Variants in NPAS2 observed in about 807,000 individuals in gnomAD.
NPAS2 encodes the protein neuronal PAS domain protein 2, also known as neuronal PAS domain-containing protein 2.
In NPAS2, 23 loss-of-function variants were observed where a neutral mutation model predicts 107.5. The observed-to-expected ratio is 0.21, with a 90% CI of 0.15 to 0.30. NPAS2 has a LOEUF of 0.30. Ranked by LOEUF, NPAS2 falls within the 10% of genes least tolerant of loss-of-function variation. NPAS2 has a pLI of 1.00. For synonymous variants in NPAS2, 403 were observed against 417.5 expected, an observed-to-expected ratio of 0.97 and a Z score of 0.42; for missense variants, 756 against 1,043.3, an observed-to-expected ratio of 0.72 and a Z score of 3.79.
chr2:100,862,705 C>G (rs987712486), intron 1 of NPAS2, among the ~76,000 whole-genome samples: 6 of 152,212 alleles, frequency 3.9e-5, no homozygotes, highest in African/African-American at 1.4e-4. Flanking sequence ...TTTTTCACAC[C>G]TGAAACACGC....
chr2:100,836,220 T>C (rs1677047375), intron 1 of NPAS2, among the ~76,000 whole-genome samples: 1 of 152,160 alleles, frequency 6.6e-6, no homozygotes, highest in East Asian at 1.9e-4. Flanking sequence ...GTAATTTGAT[T>C]GACATACATA....
chr2:100,882,385 G>A (rs536989427), intron 1 of NPAS2, among the ~76,000 whole-genome samples: 74 of 152,100 alleles, frequency 4.9e-4, no homozygotes, highest in Non-Finnish European at 7.6e-4. Flanking sequence ...CAAGGTGGGC[G>A]GATCACAAGG....
At chr2:100,835,467 C>T (rs766463194) in intron 1 of NPAS2, among the ~76,000 whole-genome samples, 48 of 152,100 alleles carry the variant, frequency 3.2e-4, no homozygotes, top group Non-Finnish European at 5.7e-4. Flanking sequence ...TGTCCGTGCT[C>T]GACTCCACCC....
intron 4 of NPAS2, 147 bp from the exon 5 acceptor site, chr2:100,937,606 G>A: frequency 3.0e-6 from 2 of 675,702 alleles, no homozygotes; most frequent in Non-Finnish European, 5.4e-6. Context: ...TCCGTGGAAG[G>A]CCAAGAAGTG....
In NPAS2 at chr2:100,995,648, G is replaced by C. The variant is rs1453338113; in HGVS notation, c.*66G>C. ...ATGGATGAGGGGGGTGGCCACAGGA[G>C]ATGGGGAGAGGAGTCTGAACTAAAC... On this transcript the variant is annotated 3_prime_UTR_variant, in exon 21 of 21. Coordinates refer to ENST00000335681, the MANE Select transcript of NPAS2 (RefSeq NM_002518.4). The C allele has an allele frequency of 6.4e-7, 1 of 1,562,200 alleles. No homozygotes were observed. The highest frequency in any genetic ancestry group is 8.7e-7 in the Non-Finnish European group (1 of 1,153,668).
chr2:100,899,922 C>A (rs960933269), intron 1 of NPAS2, among the ~76,000 whole-genome samples: 1 of 151,962 alleles, frequency 6.6e-6, no homozygotes, highest in Non-Finnish European at 1.5e-5. Context: ...GAATAATGTC[C>A]GAGCCCTATC....
intron 1 of NPAS2, among the ~76,000 whole-genome samples, chr2:100,822,479 AT>A (rs1676135085): frequency 6.6e-6 from 1 of 152,136 alleles, no homozygotes; most frequent in Non-Finnish European, 1.5e-5. Context: ...AATTCACCCT[AT>A]TTTTTTGAAC....
At chr2:100,840,205 TCTGTCCTCTGGG>T (rs1311268494) in intron 1 of NPAS2, among the ~76,000 whole-genome samples, 1 of 152,210 alleles carries the variant, frequency 6.6e-6, no homozygotes, top group African/African-American at 2.4e-5. Context: ...GGGTCGAATG[TCTGTCCTCTGGG>T]CTCTGACAGA....
intron 1 of NPAS2, among the ~76,000 whole-genome samples, chr2:100,889,364 GCTTT>G (rs1344934776): frequency 1.3e-5 from 2 of 152,238 alleles, no homozygotes; most frequent in African/African-American, 4.8e-5. Context: ...TTGCCACGGG[GCTTT>G]CTGTTTGTTG....
intron 4 of NPAS2, among the ~76,000 whole-genome samples, chr2:100,937,534 T>C (rs1418793174): frequency 1.3e-5 from 2 of 152,232 alleles, no homozygotes; most frequent in South Asian, 2.1e-4. Flanking sequence ...TTTTCACTGA[T>C]CCTGTAGTGC....
chr2:100,948,179 C>G (rs1197184870), intron 5 of NPAS2, 56 bp from the exon 6 acceptor site: 1 of 1,587,182 alleles, frequency 6.3e-7, no homozygotes, highest in East Asian at 2.3e-5. Context: ...TTTGTTTTTG[C>G]TTCTGTTTTT....
At chr2:100,973,362 A>G (rs936061745) in intron 12 of NPAS2, among the ~76,000 whole-genome samples, 2 of 152,224 alleles carry the variant, frequency 1.3e-5, no homozygotes, top group African/African-American at 4.8e-5. Context: ...AGAGATGTCA[A>G]ATGGGCATCA....
chr2:100,913,890 C>T (rs1682708816), intron 2 of NPAS2, among the ~76,000 whole-genome samples: 1 of 152,190 alleles, frequency 6.6e-6, no homozygotes, highest in African/African-American at 2.4e-5. Context: ...GGGTCTCTCC[C>T]AGCAGGATGG....
intron 1 of NPAS2, among the ~76,000 whole-genome samples, chr2:100,879,800 A>T (rs1680219260): frequency 6.6e-6 from 1 of 152,218 alleles, no homozygotes; most frequent in South Asian, 2.1e-4. Flanking sequence ...ACAACCATCA[A>T]CAAGGGACAA....
At chr2:100,921,465 A>G (rs962434546) in intron 2 of NPAS2, among the ~76,000 whole-genome samples, 18 of 149,814 alleles carry the variant, frequency 1.2e-4, no homozygotes, top group Non-Finnish European at 3.0e-5. Context: ...GGGGTTTTTG[A>G]GCCCCACATT....
intron 1 of NPAS2, among the ~76,000 whole-genome samples, chr2:100,874,025 G>T (rs1679794036): frequency 6.7e-6 from 1 of 149,922 alleles, no homozygotes; most frequent in East Asian, 2.2e-4. Flanking sequence ...TTGTTGCCCA[G>T]GCTGGAGTGC....
chr2:100,831,273 G>A (rs530111453), intron 1 of NPAS2, among the ~76,000 whole-genome samples: 32 of 152,068 alleles, frequency 2.1e-4, no homozygotes, highest in South Asian at 4.2e-4. Context: ...TCCAGCCTGG[G>A]TGACAAAGCA....
chr2:100,925,888 C>A (rs1434581438), intron 3 of NPAS2, among the ~76,000 whole-genome samples: 1 of 152,166 alleles, frequency 6.6e-6, no homozygotes, highest in African/African-American at 2.4e-5. Context: ...TCACCACTCT[C>A]TAATTTCATC....
chr2:100,939,608 GT>G (rs1205358981), intron 5 of NPAS2, among the ~76,000 whole-genome samples: 2 of 152,178 alleles, frequency 1.3e-5, no homozygotes, highest in African/African-American at 4.8e-5. Context: ...GGGCGCTTGT[GT>G]TTTGTATTGA....
Sources: gnomAD v4.1 joint callset for allele counts (sites outside exome capture counted in the v4.1 genomes callset) on GRCh38, gnomAD v4.1.1 for gene constraint, MANE v1.5 for transcripts, NCBI Gene and HGNC (gene_info 2026-07-23, HGNC 2026-07-21) for gene names.